The following TPO variants were observed in gnomAD, a reference collection of about 807,000 sequenced individuals.
The protein encoded by TPO is thyroid peroxidase.
Under a neutral mutation model 96.9 loss-of-function variants are expected in TPO, and 78 were observed. The observed-to-expected ratio is 0.81, with a 90% CI of 0.67 to 0.97. TPO has a LOEUF of 0.97. Ranked by LOEUF, TPO falls within the 50% of genes least tolerant of loss-of-function variation. The pLI, the probability that TPO is intolerant of heterozygous loss-of-function variation, is 0.00. For missense variants in TPO, 1,252 were observed against 1,274.8 expected (o/e 0.98, Z 0.27); for synonymous variants, 547 against 538.0 (o/e 1.02, Z -0.23).
intron 14 of TPO, among the ~76,000 whole-genome samples, chr2:1,504,436 C>G (rs971380522): frequency 1.3e-5 from 2 of 152,210 alleles, no homozygotes; most frequent in Admixed American, 6.5e-5. Context: ...CTCTCCTCCT[C>G]CTGGGACCCC....
intron 15 of TPO, among the ~76,000 whole-genome samples, chr2:1,523,689 C>T (rs1228730297): frequency 7.4e-6 from 1 of 134,392 alleles, no homozygotes; most frequent in Non-Finnish European, 1.6e-5. Flanking sequence ...CTGTGTGCAG[C>T]CTCCCCAAAT....
intron 15 of TPO, among the ~76,000 whole-genome samples, chr2:1,529,193 C>T (rs1186145752): frequency 1.1e-5 from 1 of 94,434 alleles, no homozygotes. Context: ...TCCAAATCCC[C>T]CCCACTCTGT....
At chr2:1,460,801 T>TGGAG (rs1217370919) in intron 7 of TPO, among the ~76,000 whole-genome samples, 8 of 152,054 alleles carry the variant, frequency 5.3e-5, no homozygotes, top group African/African-American at 1.9e-4. Context: ...CTACTCTGTG[T>TGGAG]GGAGGTTGGG....
intron 1 of TPO, among the ~76,000 whole-genome samples, chr2:1,399,463 A>T (rs970337975): frequency 6.6e-6 from 1 of 152,250 alleles, no homozygotes; most frequent in Non-Finnish European, 1.5e-5. Context: ...AGCTTAGTTT[A>T]TAAATTAGGC....
chr2:1,383,756 G>T (rs1661846406), intron 1 of TPO, among the ~76,000 whole-genome samples: 1 of 152,162 alleles, frequency 6.6e-6, no homozygotes, highest in Admixed American at 6.5e-5. Flanking sequence ...TTTGGCTTTT[G>T]TTGCCATTGT....
At chr2:1,527,009 C>T (rs1320660211) in intron 15 of TPO, among the ~76,000 whole-genome samples, 3 of 141,792 alleles carry the variant, frequency 2.1e-5, no homozygotes, top group Non-Finnish European at 4.5e-5. Flanking sequence ...CCTCAAATCC[C>T]CCCCACTGTG....
At chr2:1,377,072 C>T (rs1437640757) in intron 1 of TPO, among the ~76,000 whole-genome samples, 4 of 152,136 alleles carry the variant, frequency 2.6e-5, no homozygotes, top group East Asian at 1.9e-4. Flanking sequence ...AGTCAGAGCT[C>T]GGCCACTTAA....
chr2:1,412,449 C>T (rs373320170), upstream of TPO, among the ~76,000 whole-genome samples: 4 of 152,118 alleles, frequency 2.6e-5, no homozygotes, highest in African/African-American at 7.2e-5. Context: ...GGCTGATCTC[C>T]TCCCTGCTCT....
At chr2:1,538,998 C>T (rs1464984254) in intron 15 of TPO, among the ~76,000 whole-genome samples, 1 of 152,118 alleles carries the variant, frequency 6.6e-6, no homozygotes, top group African/African-American at 2.4e-5. Context: ...TCAAATGCCC[C>T]TATTCCTATA....
chr2:1,502,615 C>T (rs1001312353), intron 13 of TPO, among the ~76,000 whole-genome samples: 1 of 152,132 alleles, frequency 6.6e-6, no homozygotes, highest in Non-Finnish European at 1.5e-5. Flanking sequence ...GGCTCAAACT[C>T]CTGACCTCAG....
intron 14 of TPO, among the ~76,000 whole-genome samples, chr2:1,509,865 C>T (rs564739813): frequency 2.6e-5 from 4 of 151,382 alleles, no homozygotes; most frequent in African/African-American, 9.7e-5. Flanking sequence ...GCTTCAGGCA[C>T]ACCCCACTCT....
intron 15 of TPO, among the ~76,000 whole-genome samples, chr2:1,532,287 C>T (rs1358048131): frequency 3.0e-5 from 2 of 67,438 alleles, no homozygotes; most frequent in African/African-American, 1.1e-4. Flanking sequence ...TCAAGTCCCC[C>T]ACTGTGTGCA....
chr2:1,511,623 T>TCA (rs1674138406), intron 14 of TPO, among the ~76,000 whole-genome samples: 1 of 152,204 alleles, frequency 6.6e-6, no homozygotes, highest in Non-Finnish European at 1.5e-5. Context: ...CCCTGAGGAC[T>TCA]CACCCCTTGG....
intron 7 of TPO, among the ~76,000 whole-genome samples, chr2:1,475,773 G>A (rs1183331238): frequency 6.6e-6 from 1 of 152,224 alleles, no homozygotes; most frequent in Admixed American, 6.5e-5. Context: ...TTTAATGCAC[G>A]ATCTTTTTTA....
intron 5 of TPO, among the ~76,000 whole-genome samples, chr2:1,452,183 ATT>A (rs1416041674): frequency 6.6e-6 from 1 of 150,748 alleles, no homozygotes; most frequent in Non-Finnish European, 1.5e-5. Flanking sequence ...AGATTTAGTT[ATT>A]TTTTACACAT....
intron 7 of TPO, among the ~76,000 whole-genome samples, chr2:1,475,238 C>A (rs866146143): frequency 6.6e-6 from 1 of 152,054 alleles, no homozygotes; most frequent in Non-Finnish European, 1.5e-5. Context: ...ATTCTTGGGG[C>A]CTCTGGGCCT....
rs748463929 is a variant in TPO, at chr2:1,456,650, C to CATAT, written c.819+374_819+377dup. Among the ~76,000 whole-genome samples, 36 of 122,342 alleles carry CATAT rather than the reference C, an allele frequency of 2.9e-4. 2 individuals carry two copies. The highest frequency in any genetic ancestry group is 9.8e-4 in the African/African-American group (33 of 33,574). The allele number at this position is 122,342 out of a possible 152,430, so 80.3% of individuals were successfully genotyped here. On this transcript the variant is annotated intron_variant, in intron 7 of 16. Coordinates refer to ENST00000329066, the MANE Select transcript of TPO (RefSeq NM_001206744.2). The stretch of plus-strand genomic sequence containing the variant: ...TAGCATGTATGATACTGTGGGTACA[C>CATAT]ATATATATAGCATGTATGATAGTGT...
chr2:1,496,331 G>A, intron 12 of TPO, 134 bp downstream of exon 12: 1 of 1,192,150 alleles, frequency 8.4e-7, no homozygotes, highest in Non-Finnish European at 1.2e-6. Flanking sequence ...ACACCCTCAG[G>A]GCAGCTCCTG....
chr2:1,476,932 G>C (rs558734210), intron 7 of TPO, among the ~76,000 whole-genome samples, 154 bp from the exon 8 acceptor site: 1 of 152,148 alleles, frequency 6.6e-6, no homozygotes, highest in Admixed American at 6.5e-5. Flanking sequence ...GCCGGGGGGG[G>C]AGGTGAGGGG....
Sources: allele counts gnomAD v4.1 joint callset (sites outside exome capture counted in the v4.1 genomes callset), GRCh38; gene constraint gnomAD v4.1.1; transcripts MANE v1.5; gene names NCBI Gene and HGNC (gene_info 2026-07-23, HGNC 2026-07-21).